Variants in KBTBD2 observed in about 807,000 individuals in gnomAD.
The protein encoded by KBTBD2 is kelch repeat and BTB domain-containing protein 2.
A neutral mutation model predicts 57.1 loss-of-function variants in KBTBD2; 17 were observed. That is an observed-to-expected ratio of 0.30 (90% CI 0.20 to 0.45). The LOEUF (loss-of-function observed/expected upper bound fraction) is 0.45, where lower values mean the gene tolerates loss of function less well. Ranked by LOEUF, KBTBD2 falls within the 20% of genes least tolerant of loss-of-function variation. The probability of loss-of-function intolerance (pLI) is 1.00; values close to 1 mark genes in which losing one functional copy is unlikely to be tolerated. For missense variants in KBTBD2, 515 were observed against 750.6 expected, an observed-to-expected ratio of 0.69 and a Z score of 3.67; for synonymous variants, 267 against 262.7, an observed-to-expected ratio of 1.02 and a Z score of -0.16.
intron 1 of KBTBD2, chr7:32,891,275 C>T (rs1033396958): frequency 1.3e-4 from 20 of 148,994 alleles, no homozygotes; most frequent in Middle Eastern, 3.4e-3. Flanking sequence ...AGCGGCGTAC[C>T]GGGCCGCCCC....
At position 32,869,887 on chromosome 7, in the gene KBTBD2, G is replaced by T; in HGVS notation, c.1330C>A (p.Pro444Thr). ...ATTTCTACCCATGAGTCAGACCTTG[G>T]AAAATAACAGTACATGAGGTTCAGT... The part of the protein sequence containing the change: ...MTLNLMYCYF[P>T]RSDSWVEMAM... The change falls in exon 4 of 4, where the codon CCA (proline) becomes ACA (threonine). Residue 444 changes from proline to threonine, a missense_variant. By Grantham distance (38) the Pro-to-Thr change is conservative. Transcript: ENST00000304056. 6.2e-7 allele frequency: 1 copy of T among 1,613,700 alleles called. No homozygotes were observed.
At chr7:32,875,653 T>A (rs769617664) in intron 2 of KBTBD2, among the ~76,000 whole-genome samples, 12 of 152,054 alleles carry the variant, frequency 7.9e-5, no homozygotes, top group Non-Finnish European at 1.8e-4. Context: ...CCATTTTGAG[T>A]GAAAATCTCA....
intron 1 of KBTBD2, chr7:32,890,906 T>C (rs1784716993): frequency 6.6e-6 from 1 of 152,212 alleles, no homozygotes; most frequent in Non-Finnish European, 1.5e-5. Flanking sequence ...ATTCCCCGGT[T>C]GTTCAATCCG....
chr7:32,891,649 G>A lies in KBTBD2; in HGVS notation c.-452C>T, dbSNP rs1251219537. 1 of 150,590 alleles carries A rather than the reference G, an allele frequency of 6.6e-6. No individual in the cohort carries two copies. The allele number at this position is 150,590 out of a possible 1,614,324, so 9.3% of individuals were successfully genotyped here. On this transcript the variant is annotated 5_prime_UTR_variant, in exon 1 of 4. Coordinates refer to ENST00000304056, the MANE Select transcript of KBTBD2 (RefSeq NM_015483.3). ...GCCCTCCCGCCGCGGCCTCGCCTGG[G>A]GTCTCGCCTCCGCCTCCGGCCGAGG...
intron 1 of KBTBD2, among the ~76,000 whole-genome samples, chr7:32,885,591 A>C (rs1784559086): frequency 6.6e-6 from 1 of 152,272 alleles, no homozygotes; most frequent in African/African-American, 2.4e-5. Flanking sequence ...ATAAGCCACA[A>C]TTCCTGGTAT....
rs369794553 is a variant in KBTBD2 at position 32,888,213 on chromosome 7, CCTTT to C, written c.-339+3319_-339+3322del. Among the ~76,000 whole-genome samples the C allele has an allele frequency of 1.4e-3, 220 of 152,158 alleles. 1 individual carries two copies. The highest frequency in any genetic ancestry group is 5.1e-3 in the African/African-American group (213 of 41,508). On this transcript the variant is annotated intron_variant, in intron 1 of 3. Coordinates refer to ENST00000304056, the MANE Select transcript of KBTBD2 (RefSeq NM_015483.3). ...GTTCTAAAATATTAAGATAATTTTT[CCTTT>C]TTTTTTCCTTTTCTCACATATTTTG...
intron 2 of KBTBD2, among the ~76,000 whole-genome samples, chr7:32,875,722 C>T (rs1289691974): frequency 6.6e-6 from 1 of 152,096 alleles, no homozygotes. Flanking sequence ...TAAAAAGGAA[C>T]TAAGTATTAA....
At chr7:32,870,987 T>A (rs1784164762) in intron 3 of KBTBD2, 107 bp from the exon 4 acceptor site, 1 of 642,532 alleles carries the variant, frequency 1.6e-6, no homozygotes. Context: ...GTGTAATTTT[T>A]ATTTTCAGAT....
intron 1 of KBTBD2, among the ~76,000 whole-genome samples, chr7:32,887,457 A>ATG (rs1784609422): frequency 6.6e-6 from 1 of 152,254 alleles, no homozygotes; most frequent in African/African-American, 2.4e-5. Context: ...TCATTCCTCA[A>ATG]TGTGTACATA....
intron 1 of KBTBD2, among the ~76,000 whole-genome samples, chr7:32,889,908 CAATGTTT>C (rs1220123549): frequency 2.6e-5 from 4 of 152,162 alleles, no homozygotes; most frequent in South Asian, 4.1e-4. Flanking sequence ...ATTCAATGTT[CAATGTTT>C]AGGAATGAAA....
chr7:32,869,447 G>A lies in KBTBD2; in HGVS notation c.1770C>T (p.Cys590=), dbSNP rs1784112636. Residue 590 remains cysteine, a synonymous_variant, in exon 4 of 4, where the codon TGC becomes TGT. Coordinates refer to ENST00000304056, the MANE Select transcript of KBTBD2 (RefSeq NM_015483.3). Reference sequence around the variant, plus strand: ...GTGGTTTCCATGGAGACTCTTCAAGGCAGGATGGATAGAGTTTCCCCACAG... The same window carrying A: ...GTGGTTTCCATGGAGACTCTTCAAGACAGGATGGATAGAGTTTCCCCACAG... ...RCTVGKLYPS[C]LEESPWKPPT... is the part of the protein sequence containing the mutation. The A allele has an allele frequency of 1.2e-6, 2 of 1,613,868 alleles. No individual in the cohort carries two copies. Among genetic ancestry groups the A allele is most frequent in the Non-Finnish European group, 1.7e-6 (2 of 1,179,920 alleles).
At chr7:32,884,996 ATATGTG>A (rs1784537880) in intron 1 of KBTBD2, among the ~76,000 whole-genome samples, 2 of 83,628 alleles carry the variant, frequency 2.4e-5, no homozygotes, top group Non-Finnish European at 4.4e-5. Context: ...ATATACACAT[ATATGTG>A]TATATATATA....
At chr7:32,876,635 A>G (rs1784318991) in intron 2 of KBTBD2, among the ~76,000 whole-genome samples, 1 of 152,140 alleles carries the variant, frequency 6.6e-6, no homozygotes, top group Non-Finnish European at 1.5e-5. Flanking sequence ...GTAAGAAACT[A>G]AGTTATATTG....
chr7:32,883,954 GAAGC>G (rs1238351294), intron 1 of KBTBD2, among the ~76,000 whole-genome samples: 1 of 152,190 alleles, frequency 6.6e-6, no homozygotes, highest in East Asian at 1.9e-4. Context: ...GCAAATGAGT[GAAGC>G]AAGCTGGGTA....
chr7:32,877,986 C>T (rs1381819987), intron 2 of KBTBD2, among the ~76,000 whole-genome samples: 1 of 151,690 alleles, frequency 6.6e-6, no homozygotes, highest in Non-Finnish European at 1.5e-5. Flanking sequence ...GTGGTGTGTG[C>T]CTGTAATCCC....
At chr7:32,888,526 G>T (rs941120543) in intron 1 of KBTBD2, among the ~76,000 whole-genome samples, 2 of 151,630 alleles carry the variant, frequency 1.3e-5, no homozygotes, top group African/African-American at 4.8e-5. Context: ...TTCTGGAGTT[G>T]TGACAGGCAT....
At position 32,869,747 on chromosome 7, in the gene KBTBD2, G is replaced by A. The variant is rs1562530093; in HGVS notation, c.1470C>T (p.Gly490=). Residue 490 remains glycine, a synonymous_variant, in exon 4 of 4, where the codon GGC becomes GGT. Coordinates refer to ENST00000304056, the MANE Select transcript of KBTBD2 (RefSeq NM_015483.3). ...CAGTTACTGAAGACCCATCTACAGT[G>A]CCAGAGGGGAGTCTTATGCCGGAAT... ...ATNSGIRLPS[G]TVDGSSVTVE... 1.2e-6 allele frequency: 2 copies of A among 1,613,926 alleles called. No homozygotes were observed. The highest frequency in any genetic ancestry group is 1.3e-5 in the African/African-American group (1 of 74,912).
Position 32,891,394 on chromosome 7 carries a change from G to A in KBTBD2, c.-339+142C>T, listed in dbSNP as rs1310903292. 2.7e-5 allele frequency: 4 copies of A among 149,608 alleles called. No homozygotes were observed. In the East Asian group the frequency reaches 7.9e-4, roughly 30 times the overall value. The allele number at this position is 149,608 out of a possible 1,614,324, so 9.3% of individuals were successfully genotyped here. A position where few individuals can be genotyped will look rare whatever the true frequency, so the allele number is the denominator to read the frequency against. ...CCCGCCCGCGGCGGAAGCGTCTCGG[G>A]TTTGAAAGATGCCGCGGCCGCCGCC... On this transcript the variant is annotated intron_variant, in intron 1 of 3. Coordinates refer to ENST00000304056, the MANE Select transcript of KBTBD2 (RefSeq NM_015483.3).
intron 3 of KBTBD2, among the ~76,000 whole-genome samples, chr7:32,872,191 C>T (rs1306581125): frequency 6.6e-6 from 1 of 152,028 alleles, no homozygotes; most frequent in Admixed American, 6.6e-5. Context: ...GCATTCCAGC[C>T]TGGGCAACAG....
Sources: gnomAD v4.1 joint callset for allele counts (sites outside exome capture counted in the v4.1 genomes callset) on GRCh38, gnomAD v4.1.1 for gene constraint, MANE v1.5 for transcripts, NCBI Gene and HGNC (gene_info 2026-07-23, HGNC 2026-07-21) for gene names.